IL1RAPL2: variants seen among roughly 807,000 people sequenced by gnomAD.
IL1RAPL2 encodes interleukin 1 receptor accessory protein like 2, also known as X-linked interleukin-1 receptor accessory protein-like 2.
IL1RAPL2 carries 3 observed loss-of-function variants against 44.1 expected under a neutral mutation model. The observed-to-expected ratio is 0.07, with a 90% CI of 0.03 to 0.18. IL1RAPL2 has a LOEUF of 0.18. IL1RAPL2 is among the 10% of genes least tolerant of loss of function. IL1RAPL2 has a pLI of 1.00. For missense variants in IL1RAPL2, 391 were observed against 496.4 expected (o/e 0.79, Z 2.02); for synonymous variants, 181 against 178.8 (o/e 1.01, Z -0.10).
rs2038202278 is a variant in IL1RAPL2, at chrX:105,710,672, C to T, written c.773-6695C>T. Among the ~76,000 whole-genome samples the T allele has an allele frequency of 5.5e-5, 6 of 109,867 alleles. No individual in the cohort carries two copies. In the South Asian group the frequency reaches 2.3e-3, roughly 42 times the overall value. On this transcript the variant is annotated intron_variant, in intron 6 of 10. Transcript: ENST00000372582. Reference sequence around the variant, plus strand: ...AAACACTGTACTACATATTGGAAGACATTAATTTCTGTAAAACAACATCAA... The same window carrying T: ...AAACACTGTACTACATATTGGAAGATATTAATTTCTGTAAAACAACATCAA...
Position 105,267,517 on chromosome X carries a change from C to G in IL1RAPL2, c.673C>G (p.Arg225Gly). ...TAAATATGAAGGAAAACTTGTAAGA[C>G]GAACAACTGAATTGAAAGTTACAGG... ...ELKYEGKLVR[R>G]TTELKVTALL... The change falls in exon 5 of 11, where the codon CGA becomes GGA. Residue 225 changes from arginine to glycine, a missense_variant. By Grantham distance (125) the Arg-to-Gly change is moderately radical. Transcript: ENST00000372582. 2 of 1,187,060 alleles carry G rather than the reference C, an allele frequency of 1.7e-6. No homozygotes were observed. Among genetic ancestry groups the G allele is most frequent in the Non-Finnish European group, 2.3e-6 (2 of 882,288 alleles).
intron 1 of IL1RAPL2, among the ~76,000 whole-genome samples, chrX:104,636,542 G>A (rs919445565): frequency 2.7e-5 from 3 of 112,056 alleles, no homozygotes; most frequent in Non-Finnish European, 5.6e-5. Flanking sequence ...CTTGGCAATG[G>A]CGGGCACCCC....
intron 2 of IL1RAPL2, among the ~76,000 whole-genome samples, chrX:105,147,756 A>G (rs887942518): frequency 2.3e-4 from 26 of 111,943 alleles, no homozygotes; most frequent in African/African-American, 8.1e-4. Context: ...ATGGACATCT[A>G]CATTGGTTCA....
chrX:104,764,361 C>T (rs751516117), intron 2 of IL1RAPL2, among the ~76,000 whole-genome samples: 1 of 111,610 alleles, frequency 9.0e-6, no homozygotes, highest in African/African-American at 3.3e-5. Context: ...ACATTGTTCA[C>T]TGTTGGCATA....
intron 6 of IL1RAPL2, among the ~76,000 whole-genome samples, chrX:105,648,425 TA>T (rs2037621343): frequency 9.0e-6 from 1 of 111,416 alleles, no homozygotes; most frequent in African/African-American, 3.3e-5. Flanking sequence ...TTAGAATTTT[TA>T]AAAACAAGAT....
chrX:105,740,423 G>C, intron 7 of IL1RAPL2, 123 bp from the exon 8 acceptor site: 2 of 639,287 alleles, frequency 3.1e-6, no homozygotes, highest in Non-Finnish European at 2.4e-6. Context: ...CATACACCCA[G>C]CCAGGATTCT....
At position 104,611,148 on chromosome X, in the gene IL1RAPL2, TGAG is replaced by T. The variant is rs751205405; in HGVS notation, c.-20+44102_-20+44104del. Among the ~76,000 whole-genome samples, 22 of 111,611 alleles carry T rather than the reference TGAG, an allele frequency of 2.0e-4. No individual in the cohort carries two copies. The South Asian group carries it at 8.0e-3, about 41-fold the overall frequency. On this transcript the variant is annotated intron_variant, in intron 1 of 10. Transcript: ENST00000372582. ...GGTATACGGGGTTCAGGCACCCACT[TGAG>T]GAGGCAGTCTGTCCATTATCAGAGC...
intron 2 of IL1RAPL2, among the ~76,000 whole-genome samples, chrX:104,810,495 T>A (rs1250508813): frequency 9.0e-6 from 1 of 111,404 alleles, no homozygotes; most frequent in South Asian, 3.8e-4. Context: ...AAAATTTAAG[T>A]GTATAATCCA....
chrX:104,660,288 T>C (rs1930364777), intron 2 of IL1RAPL2, among the ~76,000 whole-genome samples: 1 of 110,467 alleles, frequency 9.1e-6, no homozygotes, highest in South Asian at 3.8e-4. Context: ...GTTGCTGAAA[T>C]AAAATATTTA....
At chrX:104,617,068 G>A (rs769067574) in intron 1 of IL1RAPL2, among the ~76,000 whole-genome samples, 9 of 111,880 alleles carry the variant, frequency 8.0e-5, no homozygotes, top group Non-Finnish European at 1.7e-4. Context: ...TCCCTTCTAG[G>A]GTTTTTATAG....
At chrX:104,964,028 A>C (rs1053289731) in intron 2 of IL1RAPL2, among the ~76,000 whole-genome samples, 6 of 109,854 alleles carry the variant, frequency 5.5e-5, no homozygotes, top group African/African-American at 2.0e-4. Flanking sequence ...ACTTTTCATG[A>C]CCTATGAGAT....
intron 5 of IL1RAPL2, among the ~76,000 whole-genome samples, chrX:105,297,449 G>A (rs2034661814): frequency 9.0e-6 from 1 of 111,439 alleles, no homozygotes; most frequent in African/African-American, 3.3e-5. Flanking sequence ...ATGAAAAGAG[G>A]TTTAATTGAC....
At chrX:105,117,909 G>A (rs953736027) in intron 2 of IL1RAPL2, among the ~76,000 whole-genome samples, 1 of 111,917 alleles carries the variant, frequency 8.9e-6, no homozygotes, top group Admixed American at 9.4e-5. Flanking sequence ...ACAAGCCAGA[G>A]CTTAAGGGAT....
intron 6 of IL1RAPL2, among the ~76,000 whole-genome samples, chrX:105,642,527 A>C (rs1471974727): frequency 8.9e-6 from 1 of 111,972 alleles, no homozygotes; most frequent in African/African-American, 3.3e-5. Context: ...TCCTTCCCTC[A>C]GACCCACAAC....
intron 2 of IL1RAPL2, among the ~76,000 whole-genome samples, chrX:105,029,743 T>A (rs956396522): frequency 1.8e-5 from 2 of 110,992 alleles, no homozygotes; most frequent in Non-Finnish European, 3.8e-5. Context: ...GCAGCATGAT[T>A]TATAATCCTT....
At chrX:105,390,782 C>T (rs965982684) in intron 5 of IL1RAPL2, among the ~76,000 whole-genome samples, 5 of 110,625 alleles carry the variant, frequency 4.5e-5, no homozygotes, top group Admixed American at 9.7e-5. Context: ...CAAGTATCTG[C>T]GGCATACGTT....
intron 1 of IL1RAPL2, among the ~76,000 whole-genome samples, chrX:104,580,675 A>G (rs189794068): frequency 9.1e-4 from 102 of 112,401 alleles, no homozygotes; most frequent in South Asian, 1.9e-3. Context: ...ACTGATGTGT[A>G]TAAAAGGTAC....
intron 2 of IL1RAPL2, among the ~76,000 whole-genome samples, chrX:104,890,844 T>A (rs1485452929): frequency 3.6e-5 from 4 of 112,069 alleles, no homozygotes; most frequent in Non-Finnish European, 7.5e-5. Context: ...TGCCATTGCT[T>A]CTGGTGTTTT....
In IL1RAPL2 at chrX:105,717,496, G is replaced by A. The variant is rs1261250776; in HGVS notation, c.902G>A (p.Arg301Lys). 2 of 1,192,495 alleles carry A rather than the reference G, an allele frequency of 1.7e-6. No individual in the cohort carries two copies. The highest frequency in any genetic ancestry group is 3.0e-5 in the East Asian group (1 of 33,000). The change falls in exon 7 of 11, where the codon AGG becomes AAG. Residue 301 changes from arginine to lysine, a missense_variant and splice_region_variant. Around this residue, in one of 2 missense-constraint regions of IL1RAPL2, gnomAD observed 159 missense variants for 251.7 expected, o/e 0.63. Transcript: ENST00000372582. ...GGTCACATTAGAGAAGGTGAAATAA[G>A]GTAGAGAGCTTGAATTGCTTATCTT... Reference protein sequence around the residue: ...LAGHIREGEIRLLKEHLGEKE... With the variant: ...LAGHIREGEIKLLKEHLGEKE...
Sources: gnomAD v4.1 joint callset for allele counts (sites outside exome capture counted in the v4.1 genomes callset) on GRCh38, gnomAD v4.1.1 for gene constraint, gnomAD v4.1.1 regional missense constraint, MANE v1.5 for transcripts, NCBI Gene and HGNC (gene_info 2026-07-23, HGNC 2026-07-21) for gene names.